Variants in SCFD2 observed in about 807,000 individuals in gnomAD.
SCFD2 encodes sec1 family domain-containing protein 2.
A neutral mutation model predicts 58.9 loss-of-function variants in SCFD2; 54 were observed. The observed-to-expected ratio is 0.92, with a 90% CI of 0.74 to 1.15. The LOEUF (loss-of-function observed/expected upper bound fraction) is 1.15, where lower values mean the gene tolerates loss of function less well. SCFD2 is among the 50% of genes most tolerant of loss of function. SCFD2 has a pLI of 0.00. For synonymous variants in SCFD2, 321 were observed against 335.9 expected, an observed-to-expected ratio of 0.96 and a Z score of 0.49; for missense variants, 805 against 836.6, an observed-to-expected ratio of 0.96 and a Z score of 0.47.
intron 5 of SCFD2, among the ~76,000 whole-genome samples, chr4:52,989,822 T>G (rs1264486069): frequency 1.3e-5 from 2 of 152,226 alleles, no homozygotes; most frequent in African/African-American, 4.8e-5. Context: ...TTTTACCTAC[T>G]GATGCCCCCT....
At chr4:53,284,642 T>C (rs1172312101) in intron 3 of SCFD2, among the ~76,000 whole-genome samples, 1 of 152,166 alleles carries the variant, frequency 6.6e-6, no homozygotes, top group African/African-American at 2.4e-5. Context: ...AGAGAAATAA[T>C]AACTGCCTAC....
At chr4:52,925,374 A>G (rs1370836526) in intron 5 of SCFD2, among the ~76,000 whole-genome samples, 1 of 140,310 alleles carries the variant, frequency 7.1e-6, no homozygotes, top group Non-Finnish European at 1.5e-5. Flanking sequence ...ATATATATAC[A>G]TGATCAACAA....
chr4:53,228,145 T>C (rs894546118), intron 4 of SCFD2, among the ~76,000 whole-genome samples: 2 of 152,206 alleles, frequency 1.3e-5, no homozygotes, highest in Admixed American at 6.6e-5. Context: ...ATATGAAGCA[T>C]TTAAGCCTAG....
At chr4:53,209,349 G>T (rs1231704888) in intron 4 of SCFD2, among the ~76,000 whole-genome samples, 1 of 152,114 alleles carries the variant, frequency 6.6e-6, no homozygotes, top group Non-Finnish European at 1.5e-5. Context: ...CTTTTGGTTA[G>T]TATTTGTGCT....
intron 5 of SCFD2, among the ~76,000 whole-genome samples, chr4:53,071,841 A>G (rs1035158560): frequency 6.6e-6 from 1 of 152,164 alleles, no homozygotes; most frequent in Non-Finnish European, 1.5e-5. Context: ...ATTCCATATA[A>G]CTAGAAACAT....
At chr4:53,340,390 C>G (rs193277470) in intron 2 of SCFD2, among the ~76,000 whole-genome samples, 2 of 152,286 alleles carry the variant, frequency 1.3e-5, no homozygotes, top group East Asian at 3.9e-4. Flanking sequence ...GATCAAACTA[C>G]AAGGCGGCAG....
At chr4:52,992,749 G>C (rs1394557644) in intron 5 of SCFD2, among the ~76,000 whole-genome samples, 3 of 151,846 alleles carry the variant, frequency 2.0e-5, no homozygotes, top group Non-Finnish European at 4.4e-5. Flanking sequence ...CCCTCCGCCC[G>C]GCAGCCGCCC....
At chr4:53,018,415 C>T (rs568604598) in intron 5 of SCFD2, among the ~76,000 whole-genome samples, 4 of 152,188 alleles carry the variant, frequency 2.6e-5, no homozygotes, top group East Asian at 1.9e-4. Flanking sequence ...ACATGATATC[C>T]GAAATAAGGC....
chr4:53,136,671 T>C (rs1725952293), intron 5 of SCFD2, among the ~76,000 whole-genome samples: 1 of 152,224 alleles, frequency 6.6e-6, no homozygotes, highest in Admixed American at 6.5e-5. Flanking sequence ...TGAATTCAGA[T>C]ATTTGGGCTA....
chr4:53,348,481 T>C (rs1321404063), intron 2 of SCFD2, among the ~76,000 whole-genome samples: 2 of 152,238 alleles, frequency 1.3e-5, no homozygotes, highest in Non-Finnish European at 2.9e-5. Flanking sequence ...TCAATTCTTC[T>C]TTTGCAGATA....
At chr4:53,262,437 T>C (rs1018163882) in intron 4 of SCFD2, among the ~76,000 whole-genome samples, 2 of 152,230 alleles carry the variant, frequency 1.3e-5, no homozygotes, top group Admixed American at 6.5e-5. Flanking sequence ...AGTCTTGTAG[T>C]GCTGGCTTGC....
intron 5 of SCFD2, among the ~76,000 whole-genome samples, chr4:53,056,737 C>T (rs1451189872): frequency 1.3e-5 from 2 of 152,126 alleles, no homozygotes; most frequent in Non-Finnish European, 1.5e-5. Context: ...CGACATCCCC[C>T]ACTCTTCAGT....
intron 2 of SCFD2, among the ~76,000 whole-genome samples, chr4:53,327,373 G>C (rs1733237193): frequency 6.6e-6 from 1 of 152,170 alleles, no homozygotes; most frequent in African/African-American, 2.4e-5. Context: ...GTGTAGGGGT[G>C]GGCAGCTGCA....
chr4:52,959,879 A>G (rs1358148463), intron 5 of SCFD2, among the ~76,000 whole-genome samples: 1 of 131,272 alleles, frequency 7.6e-6, no homozygotes, highest in African/African-American at 2.8e-5. Flanking sequence ...AGGGAGGAAG[A>G]GAGAGACTCC....
At chr4:53,282,899 C>T (rs1181660096) in intron 3 of SCFD2, among the ~76,000 whole-genome samples, 1 of 151,952 alleles carries the variant, frequency 6.6e-6, no homozygotes, top group East Asian at 1.9e-4. Context: ...GCAAACAATA[C>T]AAATCAGCTC....
At chr4:53,006,472 T>C (rs1053556339) in intron 5 of SCFD2, among the ~76,000 whole-genome samples, 2 of 152,242 alleles carry the variant, frequency 1.3e-5, no homozygotes, top group Admixed American at 6.5e-5. Context: ...GAGATTTTAC[T>C]TGTTTGGCTT....
intron 2 of SCFD2, among the ~76,000 whole-genome samples, chr4:53,348,465 T>A (rs1476350194): frequency 6.6e-6 from 1 of 152,242 alleles, no homozygotes; most frequent in Non-Finnish European, 1.5e-5. Context: ...AAAGTTGTGA[T>A]TTATTTCAAT....
At chr4:53,134,114 T>C (rs1358244226) in intron 5 of SCFD2, among the ~76,000 whole-genome samples, 1 of 152,210 alleles carries the variant, frequency 6.6e-6, no homozygotes, top group African/African-American at 2.4e-5. Context: ...ATTCCATTTA[T>C]ATGAGGTATA....
At chr4:53,025,963 G>A (rs367708866) in intron 5 of SCFD2, among the ~76,000 whole-genome samples, 1 of 117,956 alleles carries the variant, frequency 8.5e-6, no homozygotes, top group Non-Finnish European at 1.8e-5. Flanking sequence ...ATGTTCTTAT[G>A]TACTTTCATG....
Sources: gnomAD v4.1 joint callset for allele counts (sites outside exome capture counted in the v4.1 genomes callset) on GRCh38, gnomAD v4.1.1 for gene constraint, MANE v1.5 for transcripts, NCBI Gene and HGNC (gene_info 2026-07-23, HGNC 2026-07-21) for gene names.